PASD1: variants seen among roughly 807,000 people sequenced by gnomAD.
PASD1 encodes PAS domain containing repressor 1.
In PASD1, 13 loss-of-function variants were observed where a neutral mutation model predicts 58.8. The observed-to-expected ratio is 0.22, with a 90% CI of 0.14 to 0.35. PASD1 has a LOEUF of 0.35. Ranked by LOEUF, PASD1 falls within the 10% of genes least tolerant of loss-of-function variation. The pLI, the probability that PASD1 is intolerant of heterozygous loss-of-function variation, is 1.00. For synonymous variants in PASD1, 236 were observed against 216.7 expected (o/e 1.09, Z -0.78); for missense variants, 734 against 568.3 (o/e 1.29, Z -2.96).
At chrX:151,598,867 G>T (rs1418368892) in intron 1 of PASD1, among the ~76,000 whole-genome samples, 1 of 110,347 alleles carries the variant, frequency 9.1e-6, no homozygotes, top group Non-Finnish European at 1.9e-5. Flanking sequence ...GTGTTTCTTG[G>T]AGAGGGGGAT....
chrX:151,672,113 A>T, intron 13 of PASD1, 70 bp from the exon 14 acceptor site: 2 of 1,108,255 alleles, frequency 1.8e-6, no homozygotes, highest in Non-Finnish European at 2.4e-6. Context: ...ATTGAATGGG[A>T]GTGTTAAATA....
intron 8 of PASD1, among the ~76,000 whole-genome samples, chrX:151,628,242 G>A (rs1281539849): frequency 3.6e-5 from 4 of 111,481 alleles, no homozygotes; most frequent in African/African-American, 1.3e-4. Context: ...GGCTTTTGTT[G>A]CCATTGCTTT....
chrX:151,581,171 C>T (rs113224144), intron 1 of PASD1, among the ~76,000 whole-genome samples: 2,083 of 92,280 alleles, frequency 0.023, 50 homozygotes, highest in African/African-American at 0.08. Flanking sequence ...GAGGTGGCAG[C>T]GAGCCAAGAC....
At chrX:151,570,443 C>T (rs1321116918) in intron 1 of PASD1, among the ~76,000 whole-genome samples, 4 of 112,025 alleles carry the variant, frequency 3.6e-5, no homozygotes, top group Non-Finnish European at 7.5e-5. Context: ...AAAAAAGAAA[C>T]CTAAAATAAA....
chrX:151,632,846 A>G (rs907328852), intron 8 of PASD1, among the ~76,000 whole-genome samples: 1 of 111,046 alleles, frequency 9.0e-6, no homozygotes, highest in Non-Finnish European at 1.9e-5. Context: ...GATGAAGATA[A>G]TTACTGCAGA....
chrX:151,588,955 T>C (rs1409884158), intron 1 of PASD1, among the ~76,000 whole-genome samples: 4 of 111,670 alleles, frequency 3.6e-5, no homozygotes, highest in Non-Finnish European at 7.5e-5. Context: ...TCTACTTTTT[T>C]TCTCAGTGAG....
intron 1 of PASD1, among the ~76,000 whole-genome samples, chrX:151,569,377 T>C (rs1228117004): frequency 7.2e-5 from 8 of 111,841 alleles, no homozygotes; most frequent in African/African-American, 2.6e-4. Context: ...GTGTAAGCTG[T>C]GCTGTAAGGC....
intron 1 of PASD1, among the ~76,000 whole-genome samples, chrX:151,571,791 C>T (rs2012931486): frequency 8.9e-6 from 1 of 112,144 alleles, no homozygotes; most frequent in African/African-American, 3.2e-5. Flanking sequence ...CTTTAGCCTC[C>T]ACTGCCCCAG....
At chrX:151,599,750 G>A (rs1339645169) in intron 1 of PASD1, among the ~76,000 whole-genome samples, 4 of 107,393 alleles carry the variant, frequency 3.7e-5, no homozygotes, top group East Asian at 3.0e-4. Context: ...ATGGGATGAC[G>A]GCTGGGAAGA....
At chrX:151,595,599 C>G (rs995683926) in intron 1 of PASD1, among the ~76,000 whole-genome samples, 2 of 109,560 alleles carry the variant, frequency 1.8e-5, no homozygotes, top group Non-Finnish European at 3.8e-5. Flanking sequence ...GTGGCAGGCC[C>G]CTGTAGTCCC....
chrX:151,644,942 T>TG (rs1348681804), intron 8 of PASD1, among the ~76,000 whole-genome samples: 1 of 110,862 alleles, frequency 9.0e-6, no homozygotes, highest in Non-Finnish European at 1.9e-5. Flanking sequence ...AGGGAGCCAC[T>TG]TAACAGGAAT....
rs1016378745 is a variant in PASD1, at chrX:151,583,130, A to C, written c.-27-18397A>C. ...TGGGCAAGAGTGTTGAAAAAGGGCC[A>C]ATGCTAAGTAATGAAAAGGCAGTAC... On this transcript the variant is annotated intron_variant, in intron 1 of 15. Coordinates refer to ENST00000370357, the MANE Select transcript of PASD1 (RefSeq NM_173493.3). 2.7e-5 allele frequency among the ~76,000 whole-genome samples: 3 copies of C among 111,151 alleles called. No homozygotes were observed. The South Asian group carries it at 1.2e-3, about 43-fold the overall frequency.
In PASD1 at chrX:151,664,189, G is replaced by A. The variant is rs747346320; in HGVS notation, c.912G>A (p.Leu304=). 2.5e-6 allele frequency: 3 copies of A among 1,211,519 alleles called. No individual in the cohort carries two copies. The highest frequency in any genetic ancestry group is 3.5e-5 in the South Asian group (2 of 56,934). ...TGTACAGGGCAGACCCAGTGGACCTGGAGTTCTCGGTGGATCAGGTGGACT... is the reference window on the plus strand; with the variant it reads ...TGTACAGGGCAGACCCAGTGGACCTAGAGTTCTCGGTGGATCAGGTGGACT... ...NPLYRADPVD[L]EFSVDQVDSV... Residue 304 remains leucine (L), a synonymous_variant, in exon 11 of 16, where the codon CTG becomes CTA. Coordinates refer to ENST00000370357, the MANE Select transcript of PASD1 (RefSeq NM_173493.3).
At chrX:151,623,099 G>A in intron 7 of PASD1, 35 bp downstream of exon 7, 1 of 1,196,586 alleles carries the variant, frequency 8.4e-7, no homozygotes, top group Non-Finnish European at 1.1e-6. Context: ...CCCCGCTGTG[G>A]CGATGTGGGC....
At chrX:151,668,049 A>C (rs2014408292) in intron 11 of PASD1, among the ~76,000 whole-genome samples, 1 of 111,278 alleles carries the variant, frequency 9.0e-6, no homozygotes. Flanking sequence ...TATGTTGAAT[A>C]GGAGTGGTGA....
chrX:151,621,051 G>A (rs1168389854), intron 5 of PASD1, 22 bp downstream of exon 5: 1 of 1,085,098 alleles, frequency 9.2e-7, no homozygotes, highest in South Asian at 2.1e-5. Context: ...TTTAAAAGTA[G>A]TAAATTCTTA....
chrX:151,640,443 A>G (rs2013983294), intron 8 of PASD1, among the ~76,000 whole-genome samples: 1 of 112,232 alleles, frequency 8.9e-6, no homozygotes, highest in Non-Finnish European at 1.9e-5. Flanking sequence ...AACTGTAGAA[A>G]TTATATCTGA....
At chrX:151,580,812 G>A (rs2013078858) in intron 1 of PASD1, among the ~76,000 whole-genome samples, 1 of 110,517 alleles carries the variant, frequency 9.0e-6, no homozygotes, top group African/African-American at 3.3e-5. Flanking sequence ...TATCAAGGTA[G>A]TGAGTTTTTA....
At chrX:151,654,871 T>G (rs2014216182) in intron 9 of PASD1, among the ~76,000 whole-genome samples, 1 of 111,100 alleles carries the variant, frequency 9.0e-6, no homozygotes, top group Admixed American at 9.6e-5. Flanking sequence ...ATTATTATTA[T>G]ACTTTACGTT....
Sources: allele counts gnomAD v4.1 joint callset (sites outside exome capture counted in the v4.1 genomes callset), GRCh38; gene constraint gnomAD v4.1.1; transcripts MANE v1.5; gene names NCBI Gene and HGNC (gene_info 2026-07-23, HGNC 2026-07-21).